Variants in SPATA6 observed in about 807,000 individuals in gnomAD.
The protein encoded by SPATA6 is spermatogenesis-associated protein 6.
SPATA6 carries 56 observed loss-of-function variants against 65.3 expected under a neutral mutation model. The ratio of observed to expected loss-of-function variants is 0.86; its 90% CI spans 0.69 to 1.07. SPATA6 has a LOEUF of 1.07. Ranked by LOEUF, SPATA6 falls within the 50% of genes least tolerant of loss-of-function variation. SPATA6 has a pLI of 0.00. For synonymous variants in SPATA6, 199 were observed against 213.2 expected (o/e 0.93, Z 0.58); for missense variants, 590 against 594.8 (o/e 0.99, Z 0.08).
chr1:48,379,638 T>G (rs1051256174), intron 9 of SPATA6, among the ~76,000 whole-genome samples: 3 of 152,192 alleles, frequency 2.0e-5, no homozygotes, highest in African/African-American at 7.2e-5. Flanking sequence ...GAAAATCAGT[T>G]GTTACATTCA....
chr1:48,387,425 G>A (rs145808826), intron 8 of SPATA6, among the ~76,000 whole-genome samples: 47 of 152,332 alleles, frequency 3.1e-4, no homozygotes, highest in Non-Finnish European at 5.6e-4. Flanking sequence ...TGAGGCATAA[G>A]TGCCACTGGG....
At chr1:48,363,580 A>T (rs752569996) in intron 9 of SPATA6, among the ~76,000 whole-genome samples, 1 of 152,102 alleles carries the variant, frequency 6.6e-6, no homozygotes, top group African/African-American at 2.4e-5. Context: ...TATAGCATTT[A>T]TACTTCAGCA....
intron 9 of SPATA6, among the ~76,000 whole-genome samples, chr1:48,364,226 A>C (rs1646919363): frequency 6.6e-6 from 1 of 152,150 alleles, no homozygotes; most frequent in South Asian, 2.1e-4. Flanking sequence ...GTTGGTTCCA[A>C]GTCTTTGCTA....
chr1:48,449,305 G>C (rs1307424522), intron 3 of SPATA6, among the ~76,000 whole-genome samples: 5 of 152,208 alleles, frequency 3.3e-5, no homozygotes, highest in African/African-American at 1.2e-4. Flanking sequence ...GAATCAGGCT[G>C]ATGCTGCCTG....
intron 11 of SPATA6, among the ~76,000 whole-genome samples, chr1:48,340,412 T>A (rs1358021299): frequency 6.6e-6 from 1 of 151,268 alleles, no homozygotes; most frequent in African/African-American, 2.4e-5. Context: ...GAGTCAAAAA[T>A]AGATGTAGAA....
chr1:48,310,271 G>A (rs7536253), intron 11 of SPATA6, among the ~76,000 whole-genome samples: 12,754 of 152,234 alleles, frequency 0.084, 547 homozygotes, highest in Non-Finnish European at 0.093. Flanking sequence ...GCAATCTCCA[G>A]CAAGTCAAGT....
intron 3 of SPATA6, among the ~76,000 whole-genome samples, chr1:48,417,186 A>G (rs1279732409): frequency 6.6e-6 from 1 of 152,244 alleles, no homozygotes; most frequent in African/African-American, 2.4e-5. Context: ...ATGCAAACAC[A>G]AAATGTTCAA....
intron 11 of SPATA6, among the ~76,000 whole-genome samples, chr1:48,330,624 A>C (rs1350719737): frequency 6.6e-6 from 1 of 152,230 alleles, no homozygotes; most frequent in Non-Finnish European, 1.5e-5. Flanking sequence ...AACACCTGCT[A>C]GGCTTTCCAG....
intron 3 of SPATA6, among the ~76,000 whole-genome samples, chr1:48,417,303 G>A (rs1320967907): frequency 6.6e-6 from 1 of 152,054 alleles, no homozygotes; most frequent in Non-Finnish European, 1.5e-5. Context: ...GCAACAATTA[G>A]AAACAATGTT....
chr1:48,365,884 G>C (rs969989529), intron 9 of SPATA6, among the ~76,000 whole-genome samples: 1 of 152,126 alleles, frequency 6.6e-6, no homozygotes, highest in Non-Finnish European at 1.5e-5. Flanking sequence ...TTTTCAAAGG[G>C]AATGTTCCCA....
At chr1:48,408,226 A>G (rs893512314) in intron 5 of SPATA6, among the ~76,000 whole-genome samples, 1 of 152,204 alleles carries the variant, frequency 6.6e-6, no homozygotes. Context: ...GGACTACTCT[A>G]ATATTTTATA....
At chr1:48,460,563 G>A (rs1223085194) in intron 1 of SPATA6, among the ~76,000 whole-genome samples, 2 of 152,068 alleles carry the variant, frequency 1.3e-5, no homozygotes, top group Non-Finnish European at 2.9e-5. Flanking sequence ...GTTCCAGCCA[G>A]TGCAGAAGGA....
chr1:48,384,323 G>A (rs897323714), intron 9 of SPATA6, among the ~76,000 whole-genome samples: 1 of 115,766 alleles, frequency 8.6e-6, no homozygotes, highest in Non-Finnish European at 1.7e-5. Context: ...GAGGGAGACC[G>A]TGGAGGGACA....
intron 11 of SPATA6, among the ~76,000 whole-genome samples, chr1:48,332,018 C>G (rs141504489): frequency 6.6e-6 from 1 of 152,144 alleles, no homozygotes; most frequent in Non-Finnish European, 1.5e-5. Context: ...CAATTTGATC[C>G]TATTCAAATG....
chr1:48,331,119 G>T (rs988361521), intron 11 of SPATA6, among the ~76,000 whole-genome samples: 2 of 152,288 alleles, frequency 1.3e-5, no homozygotes, highest in African/African-American at 2.4e-5. Flanking sequence ...AAGAACGTAA[G>T]ACCACAAAGA....
intron 9 of SPATA6, among the ~76,000 whole-genome samples, chr1:48,362,862 CAT>C (rs769630064): frequency 5.9e-5 from 9 of 152,026 alleles, no homozygotes; most frequent in Non-Finnish European, 1.2e-4. Flanking sequence ...TAGAGAATAT[CAT>C]AGAGGTGGGA....
Position 48,464,233 on chromosome 1 carries a change from G to A in SPATA6, c.51+7725C>T, listed in dbSNP as rs981582054. Among the ~76,000 whole-genome samples the A allele has an allele frequency of 4.0e-5, 6 of 151,852 alleles. No homozygotes were observed. The East Asian group carries it at 7.7e-4, about 20-fold the overall frequency. Reference sequence around the variant, plus strand: ...AGCATAATTTAAAATTAGAAAAAACGACAAAGATACCTACTTTGTTATCCC... The same window carrying A: ...AGCATAATTTAAAATTAGAAAAAACAACAAAGATACCTACTTTGTTATCCC... On this transcript the variant is annotated intron_variant, in intron 1 of 12. Transcript: ENST00000371847.
At chr1:48,395,161 T>G in intron 8 of SPATA6, 106 bp downstream of exon 8, 1 of 771,284 alleles carries the variant, frequency 1.3e-6, no homozygotes. Context: ...TACAATATTA[T>G]CCAATAATGT....
intron 9 of SPATA6, among the ~76,000 whole-genome samples, chr1:48,360,430 T>A (rs567368006): frequency 1.2e-4 from 19 of 152,132 alleles, no homozygotes; most frequent in South Asian, 8.3e-4. Flanking sequence ...GGATAGTCAG[T>A]AGGAACCTCA....
Sources: allele counts gnomAD v4.1 joint callset (sites outside exome capture counted in the v4.1 genomes callset), GRCh38; gene constraint gnomAD v4.1.1; transcripts MANE v1.5; gene names NCBI Gene and HGNC (gene_info 2026-07-23, HGNC 2026-07-21).